The following PRMT3 variants were observed in gnomAD, a reference collection of about 807,000 sequenced individuals.
The protein encoded by PRMT3 is protein arginine methyltransferase 3.
A neutral mutation model predicts 71.9 loss-of-function variants in PRMT3; 62 were observed. The observed-to-expected ratio is 0.86, with a 90% CI of 0.70 to 1.07. The LOEUF is 1.07. PRMT3 is among the 50% of genes least tolerant of loss of function. The pLI is 0.00. For missense variants in PRMT3, 663 were observed against 643.0 expected, an observed-to-expected ratio of 1.03 and a Z score of -0.34; for synonymous variants, 213 against 220.4, an observed-to-expected ratio of 0.97 and a Z score of 0.30.
Position 20,508,288 on chromosome 11 carries a change from T to C in PRMT3, c.1487-16T>C. Reference sequence around the variant, plus strand: ...TATTCCTTGAATTCTTAACAATTTTTGCCTTTGTTTTACAGGTGAAGCCTT... The same window carrying C: ...TATTCCTTGAATTCTTAACAATTTTCGCCTTTGTTTTACAGGTGAAGCCTT... On this transcript the variant is annotated splice_polypyrimidine_tract_variant and intron_variant, in intron 15 of 15. Transcript: ENST00000331079. 1 of 1,485,190 alleles carries C rather than the reference T, an allele frequency of 6.7e-7. No homozygotes were observed. The highest frequency in any genetic ancestry group is 9.4e-7 in the Non-Finnish European group (1 of 1,064,918). 92.0% of individuals were successfully genotyped at this position (1,485,190 alleles called of 1,614,324 possible). A position where few individuals can be genotyped will look rare whatever the true frequency, so the allele number is the denominator to read the frequency against.
At chr11:20,475,694 T>C (rs1278850705) in intron 13 of PRMT3, among the ~76,000 whole-genome samples, 1 of 150,262 alleles carries the variant, frequency 6.7e-6, no homozygotes, top group Non-Finnish European at 1.5e-5. Flanking sequence ...AGCTCTGTCT[T>C]CTGGGCTGGA....
intron 10 of PRMT3, among the ~76,000 whole-genome samples, chr11:20,428,736 C>G (rs1333792034): frequency 6.6e-6 from 1 of 152,214 alleles, no homozygotes; most frequent in Non-Finnish European, 1.5e-5. Flanking sequence ...TGGCTAACTT[C>G]TGCTGAGTTT....
chr11:20,490,318 A>C (rs1489441929), intron 13 of PRMT3, among the ~76,000 whole-genome samples: 1 of 152,174 alleles, frequency 6.6e-6, no homozygotes, highest in Non-Finnish European at 1.5e-5. Context: ...TATTTGTCAT[A>C]GATTCTTTCC....
intron 15 of PRMT3, among the ~76,000 whole-genome samples, chr11:20,507,871 C>G (rs934923052): frequency 4.6e-5 from 7 of 151,346 alleles, no homozygotes; most frequent in African/African-American, 1.7e-4. Flanking sequence ...CTTTGGGAGG[C>G]TGAGGCGGGT....
At chr11:20,458,500 A>C (rs536824045) in intron 11 of PRMT3, among the ~76,000 whole-genome samples, 7 of 152,328 alleles carry the variant, frequency 4.6e-5, no homozygotes, top group Admixed American at 2.0e-4. Context: ...TTGTCCAATC[A>C]GCGCTTTGTT....
At chr11:20,395,989 T>G in intron 6 of PRMT3, 27 bp downstream of exon 6, 4 of 1,608,786 alleles carry the variant, frequency 2.5e-6, no homozygotes, top group Non-Finnish European at 3.4e-6. Context: ...GCAAAATTAA[T>G]TGTTTTAGAT....
intron 9 of PRMT3, among the ~76,000 whole-genome samples, chr11:20,419,505 T>C (rs1380733633): frequency 6.6e-6 from 1 of 152,246 alleles, no homozygotes; most frequent in Non-Finnish European, 1.5e-5. Context: ...AGTTTTCATA[T>C]GGCAACATTC....
Position 20,402,969 on chromosome 11 carries a change from T to C in PRMT3, c.756T>C (p.His252=), listed in dbSNP as rs1328037758. ...SYRDFIYQNP[H]IFKDKVVLDV... is the part of the protein sequence containing the mutation. ...GAGATTTCATATACCAAAATCCACA[T>C]ATCTTCAAAGACAAGGTAAGTAGTA... The change falls in exon 8 of 16, where the codon CAT becomes CAC. Residue 252 remains histidine (H), a synonymous_variant. Transcript: ENST00000331079. The C allele has an allele frequency of 6.2e-7, 1 of 1,601,498 alleles. No individual in the cohort carries two copies. Among genetic ancestry groups the C allele is most frequent in the South Asian group, 1.1e-5 (1 of 90,792 alleles).
At chr11:20,409,694 T>C (rs911620483) in intron 9 of PRMT3, among the ~76,000 whole-genome samples, 1 of 81,548 alleles carries the variant, frequency 1.2e-5, no homozygotes, top group East Asian at 2.7e-4. Flanking sequence ...CACACACACG[T>C]TGCATTTGCA....
chr11:20,457,114 G>A (rs1160595779), intron 11 of PRMT3, among the ~76,000 whole-genome samples: 1 of 152,086 alleles, frequency 6.6e-6, no homozygotes, highest in Admixed American at 6.6e-5. Context: ...GACCTTGCTT[G>A]CTTGCTTTCC....
chr11:20,458,485 T>C (rs1206639609), intron 11 of PRMT3, among the ~76,000 whole-genome samples: 1 of 152,232 alleles, frequency 6.6e-6, no homozygotes, highest in African/African-American at 2.4e-5. Context: ...GTTAAGAGCA[T>C]GCTTTTGTCC....
At chr11:20,408,121 C>A in intron 9 of PRMT3, 89 bp downstream of exon 9, 1 of 910,182 alleles carries the variant, frequency 1.1e-6, no homozygotes, top group Non-Finnish European at 1.5e-6. Context: ...CTATCTAAGG[C>A]AGACTAAAGA....
chr11:20,491,307 C>G (rs1285836043), intron 13 of PRMT3, among the ~76,000 whole-genome samples: 4 of 152,162 alleles, frequency 2.6e-5, no homozygotes, highest in African/African-American at 9.7e-5. Flanking sequence ...ATAGTTTGAG[C>G]ATCTGGATTA....
intron 2 of PRMT3, 85 bp from the exon 3 acceptor site, chr11:20,389,659 A>C (rs1848669707): frequency 1.2e-6 from 1 of 831,176 alleles, no homozygotes; most frequent in Non-Finnish European, 1.8e-6. Context: ...GAGTTAAAAA[A>C]AAAAAAAAAG....
chr11:20,444,753 T>C (rs1184421894), intron 10 of PRMT3, among the ~76,000 whole-genome samples: 1 of 152,102 alleles, frequency 6.6e-6, no homozygotes, highest in Non-Finnish European at 1.5e-5. Context: ...GTAATTACCA[T>C]TTGAGTCAAG....
Position 20,508,618 on chromosome 11 carries a change from G to A in PRMT3, c.*205G>A, listed in dbSNP as rs558822924. The A allele has an allele frequency of 5.1e-5, 34 of 672,072 alleles. No individual in the cohort carries two copies. Among genetic ancestry groups the A allele is most frequent in the East Asian group, 2.6e-4 (9 of 34,502 alleles). The allele number at this position is 672,072 out of a possible 1,614,324, so 41.6% of individuals were successfully genotyped here. On this transcript the variant is annotated 3_prime_UTR_variant, in exon 16 of 16. Coordinates refer to ENST00000331079, the MANE Select transcript of PRMT3 (RefSeq NM_005788.4). Reference sequence around the variant, plus strand: ...TCAGCTGATCCTCATGGTCTGCCACGTAATCATTTTCTTAGACGTTTGCTC... The same window carrying A: ...TCAGCTGATCCTCATGGTCTGCCACATAATCATTTTCTTAGACGTTTGCTC...
intron 10 of PRMT3, among the ~76,000 whole-genome samples, chr11:20,451,110 A>C (rs991739067): frequency 1.3e-5 from 2 of 152,198 alleles, no homozygotes; most frequent in Non-Finnish European, 2.9e-5. Flanking sequence ...TAAACTGTGA[A>C]GCACAGTATT....
intron 10 of PRMT3, among the ~76,000 whole-genome samples, chr11:20,448,156 T>C (rs1590071539): frequency 1.3e-5 from 2 of 150,360 alleles, no homozygotes; most frequent in African/African-American, 4.9e-5. Flanking sequence ...ATTTTTTTTT[T>C]CTTCTATTTA....
At chr11:20,440,714 A>G (rs1849874414) in intron 10 of PRMT3, among the ~76,000 whole-genome samples, 1 of 152,198 alleles carries the variant, frequency 6.6e-6, no homozygotes, top group East Asian at 1.9e-4. Flanking sequence ...GAATTTTACA[A>G]AGAAAAAATT....
Sources: gnomAD v4.1 joint callset for allele counts (sites outside exome capture counted in the v4.1 genomes callset) on GRCh38, gnomAD v4.1.1 for gene constraint, MANE v1.5 for transcripts, NCBI Gene and HGNC (gene_info 2026-07-23, HGNC 2026-07-21) for gene names.